Variants in RMST observed in about 807,000 individuals in gnomAD.
RMST encodes the protein long intergenic non-protein coding RNA 54.
rs1169710230 is a variant in RMST, at chr12:97,562,287, G to T, written n.1958+1240G>T. On this transcript the variant is annotated intron_variant and non_coding_transcript_variant, in intron 13 of 13. Coordinates refer to ENST00000640149, the Ensembl canonical transcript of RMST. ...TGATGCTACCATTTAAGCATCAGCA[G>T]ATTTGATATGTGATTGACTCTGTTT... Among the ~76,000 whole-genome samples the T allele has an allele frequency of 3.9e-5, 6 of 152,220 alleles. No homozygotes were observed. The East Asian group carries it at 1.2e-3, about 29-fold the overall frequency.
At chr12:97,544,454 A>T (rs973864693) in intron 11 of RMST, among the ~76,000 whole-genome samples, 1 of 152,016 alleles carries the variant, frequency 6.6e-6, no homozygotes, top group Non-Finnish European at 1.5e-5. Context: ...AAACTGGTGA[A>T]AATCAACTCT....
At chr12:97,490,544 T>C (rs1266694486) in intron 5 of RMST, among the ~76,000 whole-genome samples, 1 of 152,164 alleles carries the variant, frequency 6.6e-6, no homozygotes, top group Non-Finnish European at 1.5e-5. Context: ...TGGCACATAG[T>C]CAAGTATCAT....
intron 5 of RMST, among the ~76,000 whole-genome samples, chr12:97,489,086 A>T (rs1832113841): frequency 6.6e-6 from 1 of 152,202 alleles, no homozygotes; most frequent in African/African-American, 2.4e-5. Context: ...AGAAATATGA[A>T]TTATGATATA....
At chr12:97,497,817 G>A (rs1877619559) in intron 10 of RMST, among the ~76,000 whole-genome samples, 2 of 152,160 alleles carry the variant, frequency 1.3e-5, no homozygotes, top group Admixed American at 1.3e-4. Flanking sequence ...GATGGGGAAG[G>A]AGGCAGTCAC....
chr12:97,540,944 A>AGATATAGAT (rs1346610142), intron 11 of RMST, among the ~76,000 whole-genome samples: 1 of 87,986 alleles, frequency 1.1e-5, no homozygotes, highest in Non-Finnish European at 1.9e-5. Flanking sequence ...AGAGATAGAT[A>AGATATAGAT]GATATAGATA....
At chr12:97,469,824 C>T (rs78988295) in intron 5 of RMST, among the ~76,000 whole-genome samples, 2,393 of 152,178 alleles carry the variant, frequency 0.016, 59 homozygotes, top group African/African-American at 0.053. Flanking sequence ...AGGTACCTCA[C>T]AACTACCTTG....
At chr12:97,491,378 G>T (rs898225797) in intron 5 of RMST, among the ~76,000 whole-genome samples, 1 of 152,118 alleles carries the variant, frequency 6.6e-6, no homozygotes, top group Admixed American at 6.6e-5. Flanking sequence ...CAGATGAGTC[G>T]AGGGCACGGT....
At chr12:97,508,247 G>A (rs73384793) in intron 10 of RMST, among the ~76,000 whole-genome samples, 3,488 of 152,234 alleles carry the variant, frequency 0.023, 132 homozygotes, top group African/African-American at 0.08. Context: ...AAGTGAGAGA[G>A]TTGAGCACAT....
intron 10 of RMST, among the ~76,000 whole-genome samples, chr12:97,519,558 A>G (rs1880298254): frequency 6.6e-6 from 1 of 152,196 alleles, no homozygotes; most frequent in Non-Finnish European, 1.5e-5. Flanking sequence ...ATGTTCCACA[A>G]TCGTATAATT....
intron 5 of RMST, among the ~76,000 whole-genome samples, chr12:97,469,205 T>A (rs1054779495): frequency 6.8e-6 from 1 of 146,122 alleles, no homozygotes; most frequent in Non-Finnish European, 1.5e-5. Context: ...TATACACATT[T>A]ACTATATATA....
intron 4 of RMST, among the ~76,000 whole-genome samples, chr12:97,465,484 G>A (rs561951088): frequency 6.6e-6 from 1 of 152,204 alleles, no homozygotes; most frequent in African/African-American, 2.4e-5. Flanking sequence ...CCTTAAAAAC[G>A]GCTAATTGAT....
chr12:97,488,057 C>A (rs1478265238), intron 5 of RMST, among the ~76,000 whole-genome samples: 2 of 152,146 alleles, frequency 1.3e-5, no homozygotes, highest in Admixed American at 1.3e-4. Flanking sequence ...CATCTAGAGA[C>A]CTGGAGACTG....
chr12:97,488,852 T>C (rs1265247886), intron 5 of RMST, among the ~76,000 whole-genome samples: 1 of 152,200 alleles, frequency 6.6e-6, no homozygotes, highest in Admixed American at 6.5e-5. Context: ...TTCTTTGGGA[T>C]GGAAATTTCT....
intron 11 of RMST, among the ~76,000 whole-genome samples, chr12:97,535,440 CT>C (rs1382692236): frequency 1.4e-4 from 21 of 151,776 alleles, no homozygotes; most frequent in African/African-American, 4.8e-4. Flanking sequence ...ATTGACTAAC[CT>C]TTATTCAGTT....
chr12:97,498,835 C>T (rs1877754646), intron 10 of RMST, among the ~76,000 whole-genome samples: 2 of 152,132 alleles, frequency 1.3e-5, no homozygotes, highest in South Asian at 2.1e-4. Flanking sequence ...TGACTGAGAA[C>T]ATTTGAGGTG....
chr12:97,486,564 T>A (rs1450491612), intron 5 of RMST, among the ~76,000 whole-genome samples: 1 of 152,176 alleles, frequency 6.6e-6, no homozygotes, highest in Non-Finnish European at 1.5e-5. Flanking sequence ...CGAACCAGAA[T>A]AAAGCTGATA....
chr12:97,462,943 AGGACAC>A (rs1381416182), intron 3 of RMST: 1 of 151,512 alleles, frequency 6.6e-6, no homozygotes, highest in African/African-American at 2.4e-5. Context: ...CTCTTGAAGA[AGGACAC>A]GGCTTTGATC....
At chr12:97,527,144 C>T (rs79993418) in intron 10 of RMST, among the ~76,000 whole-genome samples, 13 of 152,168 alleles carry the variant, frequency 8.5e-5, no homozygotes, top group Non-Finnish European at 1.6e-4. Context: ...CTTAATTAAA[C>T]GTATTGAAGT....
At chr12:97,480,089 C>CTTTTTTTTTTTTTT (rs369247317) in intron 5 of RMST, among the ~76,000 whole-genome samples, 4 of 90,966 alleles carry the variant, frequency 4.4e-5, no homozygotes, top group African/African-American at 1.5e-4. Context: ...TTTCTTTTTT[C>CTTTTTTTTTTTTTT]TTTTTTTTTC....
Sources: gnomAD v4.1 joint callset for allele counts (sites outside exome capture counted in the v4.1 genomes callset) on GRCh38, gnomAD v4.1.1 for gene constraint, MANE v1.5 for transcripts, NCBI Gene and HGNC (gene_info 2026-07-23, HGNC 2026-07-21) for gene names.